Variants in KMT2C observed in about 807,000 individuals in gnomAD.
KMT2C encodes histone-lysine N-methyltransferase 2C.
A neutral mutation model predicts 507.9 loss-of-function variants in KMT2C; 88 were observed. The observed-to-expected ratio is 0.17, with a 90% CI of 0.15 to 0.21. KMT2C has a LOEUF of 0.21. KMT2C is among the 10% of genes least tolerant of loss of function. The pLI is 1.00. For missense variants in KMT2C, 4,954 were observed against 5,957.8 expected (o/e 0.83, Z 5.55); for synonymous variants, 2,049 against 2,080.8 (o/e 0.98, Z 0.42).
At chr7:152,290,254 A>T (rs79273270) in intron 6 of KMT2C, among the ~76,000 whole-genome samples, 2 of 41,610 alleles carry the variant, frequency 4.8e-5, no homozygotes, top group South Asian at 1.1e-3. Flanking sequence ...GTGTGTGTGT[A>T]TGTGTATATA....
At chr7:152,424,261 G>A (rs1158435760) in intron 1 of KMT2C, among the ~76,000 whole-genome samples, 1 of 151,478 alleles carries the variant, frequency 6.6e-6, no homozygotes, top group Non-Finnish European at 1.5e-5. Flanking sequence ...CTAAAGGCAT[G>A]TACTACCACA....
chr7:152,143,196 C>T (rs953413853), intron 55 of KMT2C, among the ~76,000 whole-genome samples: 3 of 152,126 alleles, frequency 2.0e-5, no homozygotes, highest in African/African-American at 7.2e-5. Context: ...CCACAGAATC[C>T]GAGAGAGGCT....
Position 152,248,475 on chromosome 7 carries a change from A to C in KMT2C, c.1959T>G (p.Ile653Met). The C allele has an allele frequency of 6.2e-7, 1 of 1,614,006 alleles. No homozygotes were observed. The highest frequency in any genetic ancestry group is 8.5e-7 in the Non-Finnish European group (1 of 1,179,942). Residue 653 changes from isoleucine (I) to methionine (M), a missense_variant, in exon 14 of 59, where the codon ATT (isoleucine) becomes ATG (methionine). Coordinates refer to ENST00000262189, the MANE Select transcript of KMT2C (RefSeq NM_170606.3). ...IEDKMEVTEN[I>M]EVVTHQITVQ... ...CAGTGATCTGGTGTGTAACGACTTCAATGTTTTCTGTCACTTCCATTTTAT... is the reference window on the plus strand; with the variant it reads ...CAGTGATCTGGTGTGTAACGACTTCCATGTTTTCTGTCACTTCCATTTTAT...
At chr7:152,298,801 T>C (rs2096538617) in intron 6 of KMT2C, among the ~76,000 whole-genome samples, 1 of 152,164 alleles carries the variant, frequency 6.6e-6, no homozygotes. Flanking sequence ...AGCAAAATAT[T>C]ACAGAGTTTA....
At chr7:152,257,394 A>G (rs12333593) in intron 9 of KMT2C, among the ~76,000 whole-genome samples, 16,326 of 152,238 alleles carry the variant, frequency 0.11, 2,109 homozygotes, top group African/African-American at 0.31. Flanking sequence ...GGAGAAATGG[A>G]GTATAAATAA....
intron 1 of KMT2C, among the ~76,000 whole-genome samples, chr7:152,432,197 T>TCTG (rs1252255623): frequency 2.6e-5 from 4 of 152,194 alleles, no homozygotes; most frequent in African/African-American, 9.7e-5. Context: ...ACCTGCTGCT[T>TCTG]CTGTACAACC....
At chr7:152,240,605 C>T (rs1486559515) in intron 14 of KMT2C, among the ~76,000 whole-genome samples, 20 of 152,292 alleles carry the variant, frequency 1.3e-4, no homozygotes, top group African/African-American at 3.4e-4. Flanking sequence ...ACACAAAACC[C>T]CTCTTAAGTT....
chr7:152,316,157 G>C (rs1358913194), intron 3 of KMT2C, among the ~76,000 whole-genome samples: 1 of 152,126 alleles, frequency 6.6e-6, no homozygotes, highest in Non-Finnish European at 1.5e-5. Context: ...GAGCTGAACT[G>C]GAAGAAGGAA....
At chr7:152,425,525 C>A (rs188572793) in intron 1 of KMT2C, among the ~76,000 whole-genome samples, 1 of 152,068 alleles carries the variant, frequency 6.6e-6, no homozygotes, top group Non-Finnish European at 1.5e-5. Context: ...TGCAGTAAGC[C>A]GAGATCGTGC....
At chr7:152,343,392 G>A (rs941039645) in intron 2 of KMT2C, among the ~76,000 whole-genome samples, 1 of 148,896 alleles carries the variant, frequency 6.7e-6, no homozygotes, top group African/African-American at 2.5e-5. Context: ...CAATCTCATT[G>A]CTTGAAGATA....
rs142502582 is a variant in KMT2C at position 152,194,099 on chromosome 7, A to G, written c.4570T>C (p.Phe1524Leu). 11 of 1,584,170 alleles carry G rather than the reference A, an allele frequency of 6.9e-6. No individual in the cohort carries two copies. The highest frequency in any genetic ancestry group is 5.5e-5 in the African/African-American group (4 of 73,076). Reference sequence around the variant, plus strand: ...TTCGCAGGACTAAGTACAGCTGTAAATAAGTCTTCAACATCTTTTCCGCCA... The same window carrying G: ...TTCGCAGGACTAAGTACAGCTGTAAGTAAGTCTTCAACATCTTTTCCGCCA... Reference protein sequence around the residue: ...ELGGKDVEDLFTAVLSPANTQ... With the variant: ...ELGGKDVEDLLTAVLSPANTQ... The change falls in exon 31 of 59, where the codon TTT becomes CTT. Residue 1524 changes from phenylalanine (F) to leucine (L), a missense_variant. Phe to Leu is a conservative substitution (Grantham distance 22). This residue lies in a region of KMT2C where 195 missense variants were observed against 183.7 expected (regional missense o/e 1.06). Transcript: ENST00000262189.
chr7:152,411,250 G>A (rs1177675403), intron 1 of KMT2C, among the ~76,000 whole-genome samples: 1 of 151,826 alleles, frequency 6.6e-6, no homozygotes, highest in Non-Finnish European at 1.5e-5. Context: ...TGGGGTTCTG[G>A]CCTTTTGTTG....
intron 15 of KMT2C, among the ~76,000 whole-genome samples, chr7:152,236,182 T>C (rs775913883): frequency 6.6e-6 from 1 of 152,286 alleles, no homozygotes; most frequent in Non-Finnish European, 1.5e-5. Context: ...CAGCAAGCCT[T>C]TGCATGATTT....
Position 152,138,629 on chromosome 7 carries a change from T to G in KMT2C, c.14643+167A>C. ...CCATGTGGAGGAAGGTGAACTGGAGTGCCTGAAGGGTGAGATACTGCAGGG... is the reference window on the plus strand; with the variant it reads ...CCATGTGGAGGAAGGTGAACTGGAGGGCCTGAAGGGTGAGATACTGCAGGG... On this transcript the variant is annotated intron_variant, in intron 58 of 58. Transcript: ENST00000262189. The surrounding 1 kb of genome is among the most constrained non-coding windows in gnomAD (Gnocchi z 4.2). 1 of 521,762 alleles carries G rather than the reference T, an allele frequency of 1.9e-6. No individual in the cohort carries two copies. Among genetic ancestry groups the G allele is most frequent in the Non-Finnish European group, 3.4e-6 (1 of 294,142 alleles). The allele number at this position is 521,762 out of a possible 1,614,324, so 32.3% of individuals were successfully genotyped here.
chr7:152,408,201 T>A (rs1392042695), intron 1 of KMT2C, among the ~76,000 whole-genome samples: 1 of 151,984 alleles, frequency 6.6e-6, no homozygotes, highest in East Asian at 1.9e-4. Context: ...GGCATGAGAA[T>A]CGCTGAATCC....
At position 152,398,049 on chromosome 7, in the gene KMT2C, A is replaced by T. The variant is rs147134138; in HGVS notation, c.161+37577T>A. On this transcript the variant is annotated intron_variant, in intron 1 of 58. Coordinates refer to ENST00000262189, the MANE Select transcript of KMT2C (RefSeq NM_170606.3). ...GTGTGTTTCAATGCCATCACTTCATACAGACCTTCCTGACCACCTTAGCCA... is the reference window on the plus strand; with the variant it reads ...GTGTGTTTCAATGCCATCACTTCATTCAGACCTTCCTGACCACCTTAGCCA... Among the ~76,000 whole-genome samples the T allele has an allele frequency of 5.8e-3, 890 of 152,326 alleles. 9 individuals carry two copies. The highest frequency in any genetic ancestry group is 0.017 in the Middle Eastern group (5 of 294).
At chr7:152,332,708 C>T (rs1230150815) in intron 2 of KMT2C, among the ~76,000 whole-genome samples, 1 of 152,034 alleles carries the variant, frequency 6.6e-6, no homozygotes, top group Non-Finnish European at 1.5e-5. Flanking sequence ...ATTAGCCGGG[C>T]TTGGTGGCAC....
intron 43 of KMT2C, among the ~76,000 whole-genome samples, chr7:152,161,097 G>A (rs1210662373): frequency 1.3e-5 from 2 of 152,218 alleles, no homozygotes; most frequent in Non-Finnish European, 2.9e-5. Context: ...CAGGGTATAA[G>A]ATGTCTTGGA....
chr7:152,358,959 T>C (rs943171817), intron 1 of KMT2C, among the ~76,000 whole-genome samples: 4 of 152,148 alleles, frequency 2.6e-5, no homozygotes, highest in South Asian at 2.1e-4. Context: ...TTGCCCCTTT[T>C]TTAGGTAACC....
Sources: allele counts gnomAD v4.1 joint callset (sites outside exome capture counted in the v4.1 genomes callset), GRCh38; gene constraint gnomAD v4.1.1; regional missense constraint gnomAD v4.1.1; non-coding constraint Gnocchi (gnomAD v3.1); transcripts MANE v1.5; gene names NCBI Gene and HGNC (gene_info 2026-07-23, HGNC 2026-07-21).